Variants in TMEM132D observed in about 807,000 individuals in gnomAD.
TMEM132D encodes the protein transmembrane protein 132D.
Under a neutral mutation model 62.3 loss-of-function variants are expected in TMEM132D, and 21 were observed. That is an observed-to-expected ratio of 0.34 (90% confidence interval 0.24 to 0.49). TMEM132D has a LOEUF of 0.49. Among genes scored for constraint, TMEM132D ranks in the 20% least tolerant of loss-of-function variants. The probability of loss-of-function intolerance (pLI) is 0.99; values close to 1 mark genes in which losing one functional copy is unlikely to be tolerated. For missense variants in TMEM132D, 1,346 were observed against 1,402.8 expected, an observed-to-expected ratio of 0.96 and a Z score of 0.65; for synonymous variants, 621 against 575.6, an observed-to-expected ratio of 1.08 and a Z score of -1.13.
At chr12:129,679,364 C>T (rs1160187365) in intron 2 of TMEM132D, among the ~76,000 whole-genome samples, 1 of 151,990 alleles carries the variant, frequency 6.6e-6, no homozygotes, top group Non-Finnish European at 1.5e-5. Context: ...TTCTATAACA[C>T]AGGATACCCC....
At chr12:129,808,760 G>A (rs1872075107) in intron 1 of TMEM132D, among the ~76,000 whole-genome samples, 1 of 151,374 alleles carries the variant, frequency 6.6e-6, no homozygotes, top group African/African-American at 2.4e-5. Flanking sequence ...AACAAAGGCG[G>A]GAAGGAAGGA....
At chr12:129,900,050 C>G (rs1269598868) in intron 1 of TMEM132D, among the ~76,000 whole-genome samples, 2 of 152,194 alleles carry the variant, frequency 1.3e-5, no homozygotes, top group Non-Finnish European at 2.9e-5. Flanking sequence ...CCAGTGTCAT[C>G]AAATTGTGTC....
chr12:129,199,208 C>G (rs938910658), intron 5 of TMEM132D, among the ~76,000 whole-genome samples: 7 of 150,532 alleles, frequency 4.7e-5, no homozygotes, highest in Non-Finnish European at 1.0e-4. Flanking sequence ...TTCCCAGGCT[C>G]CAGCAATTCT....
At chr12:129,471,036 G>T (rs561713504) in intron 3 of TMEM132D, among the ~76,000 whole-genome samples, 10 of 152,214 alleles carry the variant, frequency 6.6e-5, no homozygotes, top group African/African-American at 2.4e-4. Context: ...ACATGTCTTT[G>T]ACTCATGTTT....
At chr12:129,164,771 A>G (rs2016000) in intron 5 of TMEM132D, among the ~76,000 whole-genome samples, 90,765 of 151,706 alleles carry the variant, frequency 0.6, 27,855 homozygotes, top group Non-Finnish European at 0.67. Flanking sequence ...CTGCCCCCAT[A>G]ATTCAATTAC....
intron 4 of TMEM132D, among the ~76,000 whole-genome samples, chr12:129,295,348 C>T (rs566370651): frequency 7.2e-5 from 11 of 151,930 alleles, no homozygotes; most frequent in Middle Eastern, 3.4e-3. Context: ...AGAACGCTGC[C>T]GGCTAAACTC....
intron 1 of TMEM132D, among the ~76,000 whole-genome samples, chr12:129,751,531 T>C (rs1870001084): frequency 8.3e-6 from 1 of 120,500 alleles, no homozygotes; most frequent in Admixed American, 8.0e-5. Context: ...AGCCTCCAGC[T>C]CCCTGCATCC....
At chr12:129,218,164 G>A (rs1879260209) in intron 4 of TMEM132D, among the ~76,000 whole-genome samples, 1 of 152,132 alleles carries the variant, frequency 6.6e-6, no homozygotes, top group Non-Finnish European at 1.5e-5. Context: ...TTTTCTGAGG[G>A]CTTTTTGTCC....
intron 4 of TMEM132D, 58 bp downstream of exon 4, chr12:129,337,575 GC>G (rs1195179499): frequency 6.9e-6 from 11 of 1,600,522 alleles, no homozygotes; most frequent in Non-Finnish European, 8.5e-6. Flanking sequence ...TCAGTGCGGC[GC>G]CGGCGCCTTC....
intron 1 of TMEM132D, among the ~76,000 whole-genome samples, chr12:129,866,520 T>A (rs546642745): frequency 6.6e-6 from 1 of 151,576 alleles, no homozygotes; most frequent in Non-Finnish European, 1.5e-5. Flanking sequence ...TGCAGCACAC[T>A]AACATGGCAC....
chr12:129,337,685 G>T lies in TMEM132D; in HGVS notation c.1248C>A (p.Ser416=), dbSNP rs372252792. Residue 416 remains serine, a synonymous_variant, in exon 4 of 9, where the codon TCC becomes TCA. Coordinates refer to ENST00000422113, the MANE Select transcript of TMEM132D (RefSeq NM_133448.3). ...AGTCCTTTGGGCTCACATAGATCTT[G>T]GACACTCCCAAGTCAGACGTGATCT... ...PGEITSDLGV[S]KIYVSPKDLI... 1 of 1,614,150 alleles carries T rather than the reference G, an allele frequency of 6.2e-7. No individual in the cohort carries two copies. Among genetic ancestry groups the T allele is most frequent in the Non-Finnish European group, 8.5e-7 (1 of 1,180,024 alleles).
chr12:129,456,139 G>A (rs1247150775), intron 3 of TMEM132D, among the ~76,000 whole-genome samples: 1 of 152,084 alleles, frequency 6.6e-6, no homozygotes, highest in Non-Finnish European at 1.5e-5. Flanking sequence ...TTTAGACTTT[G>A]GTTTTGCCAG....
intron 4 of TMEM132D, among the ~76,000 whole-genome samples, chr12:129,316,402 C>A (rs553829081): frequency 6.6e-6 from 1 of 152,226 alleles, no homozygotes; most frequent in Admixed American, 6.5e-5. Flanking sequence ...TTGTTTTTGA[C>A]CCAATGCTCA....
At position 129,648,328 on chromosome 12, in the gene TMEM132D, C is replaced by T. The variant is rs540888113; in HGVS notation, c.968+51482G>A. Among the ~76,000 whole-genome samples the T allele has an allele frequency of 2.0e-4, 30 of 152,210 alleles. 1 individual carries two copies. Among genetic ancestry groups the T allele is most frequent in the African/African-American group, 5.8e-4 (24 of 41,526 alleles). On this transcript the variant is annotated intron_variant, in intron 2 of 8. Transcript: ENST00000422113. ...TTGACTCCCCATGATTTCATCCCGACGTAACCAATCCGCATTCCCTATTCC... is the reference window on the plus strand; with the variant it reads ...TTGACTCCCCATGATTTCATCCCGATGTAACCAATCCGCATTCCCTATTCC...
chr12:129,619,972 C>T (rs1022060084), intron 2 of TMEM132D, among the ~76,000 whole-genome samples: 2 of 152,138 alleles, frequency 1.3e-5, no homozygotes, highest in African/African-American at 4.8e-5. Context: ...ATACCCTAAC[C>T]ACGGCCCAAA....
intron 4 of TMEM132D, among the ~76,000 whole-genome samples, chr12:129,241,150 CAAAAA>C (rs35152074): frequency 3.1e-5 from 3 of 95,640 alleles, no homozygotes; most frequent in Non-Finnish European, 6.5e-5. Flanking sequence ...CCTCTTACCT[CAAAAA>C]AAAAAAAAAA....
chr12:129,323,918 T>A (rs1481369044), intron 4 of TMEM132D, among the ~76,000 whole-genome samples: 4 of 152,172 alleles, frequency 2.6e-5, no homozygotes, highest in African/African-American at 7.2e-5. Flanking sequence ...TTTTATTTTT[T>A]TTTTTTGAAG....
chr12:129,580,562 G>C (rs1877819891), intron 2 of TMEM132D, among the ~76,000 whole-genome samples: 1 of 151,996 alleles, frequency 6.6e-6, no homozygotes, highest in Admixed American at 6.5e-5. Flanking sequence ...CAATTAGCTG[G>C]GCGTGGTGGC....
chr12:129,515,531 G>A (rs1057425434), intron 3 of TMEM132D, among the ~76,000 whole-genome samples: 25 of 152,222 alleles, frequency 1.6e-4, no homozygotes, highest in Non-Finnish European at 2.9e-4. Context: ...GAACTTTGGC[G>A]ATTGGGAATA....
Sources: allele counts gnomAD v4.1 joint callset (sites outside exome capture counted in the v4.1 genomes callset), GRCh38; gene constraint gnomAD v4.1.1; transcripts MANE v1.5; gene names NCBI Gene and HGNC (gene_info 2026-07-23, HGNC 2026-07-21).